Variants in PARP11 observed in about 807,000 individuals in gnomAD.
PARP11 encodes poly(ADP-ribose) polymerase family member 11, also known as protein mono-ADP-ribosyltransferase PARP11.
In PARP11, 31 loss-of-function variants were observed where a neutral mutation model predicts 42.9. That is an observed-to-expected ratio of 0.72 (90% CI 0.54 to 0.98). The LOEUF (loss-of-function observed/expected upper bound fraction) is 0.98. PARP11 is among the 50% of genes least tolerant of loss of function. The probability of loss-of-function intolerance (pLI) is 0.00; values close to 1 mark genes in which losing one functional copy is unlikely to be tolerated. For synonymous variants in PARP11, 137 were observed against 127.3 expected, an observed-to-expected ratio of 1.08 and a Z score of -0.51; for missense variants, 365 against 413.1, an observed-to-expected ratio of 0.88 and a Z score of 1.01.
chr12:3,870,155 G>C (rs894463793), intron 1 of PARP11, among the ~76,000 whole-genome samples: 3 of 152,174 alleles, frequency 2.0e-5, no homozygotes, highest in Non-Finnish European at 4.4e-5. Flanking sequence ...GTGAAACCAG[G>C]AAAGCGAAAC....
At chr12:3,830,240 T>A (rs1490399150) in intron 1 of PARP11, among the ~76,000 whole-genome samples, 2 of 152,200 alleles carry the variant, frequency 1.3e-5, no homozygotes, top group African/African-American at 4.8e-5. Flanking sequence ...TAATCTTAGG[T>A]AGAATATGCC....
intron 1 of PARP11, among the ~76,000 whole-genome samples, chr12:3,856,393 A>C (rs1358194421): frequency 2.6e-5 from 4 of 152,240 alleles, no homozygotes; most frequent in Non-Finnish European, 4.4e-5. Context: ...GAATATCCAG[A>C]ATCTACAAAG....
At chr12:3,839,406 T>G (rs573958516) in intron 1 of PARP11, 111 of 1,575,496 alleles carry the variant, frequency 7.0e-5, no homozygotes, top group Non-Finnish European at 9.3e-5. Flanking sequence ...TGGGCTTGTA[T>G]CGGAAACTGG....
chr12:3,854,824 CA>C (rs928340639), intron 1 of PARP11, among the ~76,000 whole-genome samples: 2 of 150,434 alleles, frequency 1.3e-5, no homozygotes, highest in Non-Finnish European at 1.5e-5. Flanking sequence ...AGAGAAACAA[CA>C]AAAAAAAAGA....
chr12:3,858,970 G>A (rs1306563366), intron 1 of PARP11, among the ~76,000 whole-genome samples: 3 of 151,428 alleles, frequency 2.0e-5, no homozygotes, highest in South Asian at 4.2e-4. Context: ...GGTGGTAGGC[G>A]CCTGTAATCC....
intron 6 of PARP11, among the ~76,000 whole-genome samples, chr12:3,817,148 G>A (rs917768095): frequency 2.6e-5 from 4 of 151,690 alleles, no homozygotes; most frequent in African/African-American, 7.3e-5. Flanking sequence ...CTGAGATCGC[G>A]CCACTGCACT....
Position 3,857,288 on chromosome 12 carries a change from A to T in PARP11, c.18+15924T>A, listed in dbSNP as rs145824809. On this transcript the variant is annotated intron_variant, in intron 1 of 7. Transcript: ENST00000228820. ...ACTTAAAGTATAATAATAATAATAA[A>T]AAAAAGATACAGCATTAAATTTTTA... 7.2e-3 allele frequency among the ~76,000 whole-genome samples: 1,091 copies of T among 152,302 alleles called. 20 individuals are homozygous for T. Among genetic ancestry groups the T allele is most frequent in the African/African-American group, 0.022 (899 of 41,556 alleles).
Position 3,840,218 on chromosome 12 carries a change from AAG to A in PARP11, c.19-10202_19-10201del, listed in dbSNP as rs1472513295. The A allele has an allele frequency of 6.2e-7, 1 of 1,611,732 alleles. No homozygotes were observed. The highest frequency in any genetic ancestry group is 2.2e-5 in the East Asian group (1 of 44,900). ...GGAAAATTTTTGAATGCAGACGTTC[AAG>A]GAGTTCATTCTGAGAATGGACCAGT... is the stretch of plus-strand genomic sequence containing the variant. On this transcript the variant is annotated intron_variant, in intron 1 of 7. Coordinates refer to ENST00000228820, the MANE Select transcript of PARP11 (RefSeq NM_020367.6). The surrounding 1 kb of genome is among the most constrained non-coding windows in gnomAD (Gnocchi z 4.4).
intron 3 of PARP11, among the ~76,000 whole-genome samples, chr12:3,828,544 C>CAAAA (rs543241542): frequency 1.3e-5 from 1 of 75,932 alleles, no homozygotes; most frequent in Non-Finnish European, 2.9e-5. Flanking sequence ...TGAGACGTCT[C>CAAAA]AAAAAAAAAA....
intron 1 of PARP11, among the ~76,000 whole-genome samples, chr12:3,870,607 G>A (rs1182455037): frequency 1.3e-5 from 2 of 152,144 alleles, no homozygotes; most frequent in Non-Finnish European, 2.9e-5. Flanking sequence ...GTCCTTGCTG[G>A]TACAACCACC....
chr12:3,825,022 C>T (rs1448700573), intron 4 of PARP11, among the ~76,000 whole-genome samples: 1 of 150,920 alleles, frequency 6.6e-6, no homozygotes, highest in Admixed American at 6.6e-5. Flanking sequence ...AACAAACTGA[C>T]AGAAACTTAA....
chr12:3,856,099 T>TA (rs1948184744), intron 1 of PARP11, among the ~76,000 whole-genome samples: 1 of 152,190 alleles, frequency 6.6e-6, no homozygotes, highest in Non-Finnish European at 1.5e-5. Context: ...ATCCCTTCCT[T>TA]ACACCTTATA....
At chr12:3,826,497 G>A (rs372262531) in intron 3 of PARP11, among the ~76,000 whole-genome samples, 2 of 152,238 alleles carry the variant, frequency 1.3e-5, no homozygotes, top group African/African-American at 4.8e-5. Flanking sequence ...CAGTATGCAC[G>A]GTCTATTCCC....
In PARP11 at chr12:3,828,916, A is replaced by G; in HGVS notation, c.262T>C (p.Phe88Leu). Reference protein sequence around the residue: ...TTSKFSYKIDFAEMKQMNLTT... With the variant: ...TTSKFSYKIDLAEMKQMNLTT... ...ATTAGGGAAAAAAACATACCTGCAA[A>G]GTCTATCTTGTAGCTGAATTTGGAA... is the stretch of plus-strand genomic sequence containing the variant. Residue 88 changes from phenylalanine (F) to leucine (L), a missense_variant, in exon 3 of 8, where the codon TTT (phenylalanine) becomes CTT (leucine). Phe to Leu is a conservative substitution (Grantham distance 22). Transcript: ENST00000228820. The G allele has an allele frequency of 6.2e-7, 1 of 1,613,880 alleles. No individual in the cohort carries two copies. The highest frequency in any genetic ancestry group is 8.5e-7 in the Non-Finnish European group (1 of 1,179,866).
chr12:3,843,384 T>C (rs1480069084), intron 1 of PARP11, among the ~76,000 whole-genome samples: 1 of 152,248 alleles, frequency 6.6e-6, no homozygotes, highest in Non-Finnish European at 1.5e-5. Context: ...ACTAATGCAC[T>C]GACAGATTCT....
chr12:3,841,645 G>C, intron 1 of PARP11: 1 of 1,613,582 alleles, frequency 6.2e-7, no homozygotes, highest in Non-Finnish European at 8.5e-7. Context: ...GCTTCTGCAT[G>C]CTGATTATGA....
At chr12:3,815,454 C>T (rs547291811) in intron 6 of PARP11, among the ~76,000 whole-genome samples, 3 of 152,230 alleles carry the variant, frequency 2.0e-5, no homozygotes, top group Non-Finnish European at 4.4e-5. Flanking sequence ...TGAACACCTA[C>T]CTAGGCTTTC....
intron 1 of PARP11, among the ~76,000 whole-genome samples, chr12:3,833,980 C>T (rs940339515): frequency 1.3e-5 from 2 of 150,814 alleles, no homozygotes; most frequent in Non-Finnish European, 3.0e-5. Flanking sequence ...ACAGAGGACC[C>T]GTCTCTCTTT....
At chr12:3,854,648 C>G (rs1948160928) in intron 1 of PARP11, among the ~76,000 whole-genome samples, 1 of 152,088 alleles carries the variant, frequency 6.6e-6, no homozygotes, top group Admixed American at 6.5e-5. Context: ...TAATTAATAG[C>G]CTACCAACCA....
Sources: gnomAD v4.1 joint callset for allele counts (sites outside exome capture counted in the v4.1 genomes callset) on GRCh38, gnomAD v4.1.1 for gene constraint, Gnocchi (gnomAD v3.1) non-coding constraint, MANE v1.5 for transcripts, NCBI Gene and HGNC (gene_info 2026-07-23, HGNC 2026-07-21) for gene names.